QTMAN: variants seen among roughly 807,000 people sequenced by gnomAD.
QTMAN encodes the protein queuosine-tRNA mannosyltransferase, also known as tRNA-queuosine alpha-mannosyltransferase.
the QTMAN span, among the ~76,000 whole-genome samples, chr2:144,019,835 T>C: frequency 6.6e-6 from 1 of 152,170 alleles, no homozygotes; most frequent in Admixed American, 6.5e-5. Context: ...AGATTCACCT[T>C]CTAGGAAATT....
chr2:144,109,411 C>A, the QTMAN span, among the ~76,000 whole-genome samples: 92 of 152,292 alleles, frequency 6.0e-4, no homozygotes, highest in African/African-American at 2.1e-3. Context: ...GGATTAAAGA[C>A]TTAAATGTTA....
At chr2:144,289,029 C>CTTTTT in the QTMAN span, among the ~76,000 whole-genome samples, 11 of 115,962 alleles carry the variant, frequency 9.5e-5, no homozygotes, top group Non-Finnish European at 1.3e-4. Flanking sequence ...CAAGAAAATT[C>CTTTTT]TTTTTTTTTT....
At chr2:144,033,626 T>A in the QTMAN span, among the ~76,000 whole-genome samples, 1 of 152,248 alleles carries the variant, frequency 6.6e-6, no homozygotes, top group Non-Finnish European at 1.5e-5. Flanking sequence ...GAACTCAATC[T>A]CTATCCAGTC....
the QTMAN span, among the ~76,000 whole-genome samples, chr2:144,303,287 C>T: frequency 1.3e-5 from 2 of 152,100 alleles, no homozygotes; most frequent in South Asian, 4.1e-4. Context: ...AGTATAAAAA[C>T]GTAGAATATG....
chr2:144,325,266 G>A, the QTMAN span, among the ~76,000 whole-genome samples: 1 of 152,112 alleles, frequency 6.6e-6, no homozygotes, highest in Non-Finnish European at 1.5e-5. Context: ...TATTCTTAAG[G>A]AGTCACACAC....
the QTMAN span, among the ~76,000 whole-genome samples, chr2:144,061,701 G>A: frequency 3.9e-5 from 6 of 152,154 alleles, no homozygotes; most frequent in East Asian, 7.8e-4. Context: ...GCCTGGACCC[G>A]TGGCCCTAAA....
At chr2:144,252,261 G>C in the QTMAN span, among the ~76,000 whole-genome samples, 1 of 152,212 alleles carries the variant, frequency 6.6e-6, no homozygotes, top group South Asian at 2.1e-4. Context: ...TGTAGTCCCA[G>C]TTATTGGGGA....
the QTMAN span, among the ~76,000 whole-genome samples, chr2:144,304,495 A>T: frequency 1.3e-5 from 2 of 152,248 alleles, no homozygotes; most frequent in Non-Finnish European, 2.9e-5. Flanking sequence ...CATAACTAAG[A>T]CAAAAATCAG....
At chr2:144,019,180 C>T in the QTMAN span, among the ~76,000 whole-genome samples, 1 of 152,110 alleles carries the variant, frequency 6.6e-6, no homozygotes, top group Non-Finnish European at 1.5e-5. Flanking sequence ...ATAAACATTC[C>T]AGATACGGCT....
At chr2:144,228,120 T>C in the QTMAN span, among the ~76,000 whole-genome samples, 4 of 152,292 alleles carry the variant, frequency 2.6e-5, no homozygotes, top group Middle Eastern at 3.4e-3. Flanking sequence ...CCTGGATCCC[T>C]GATAGTATCA....
the QTMAN span, among the ~76,000 whole-genome samples, chr2:143,968,370 C>T: frequency 1.4e-3 from 217 of 151,840 alleles, no homozygotes; most frequent in African/African-American, 5.1e-3. Context: ...CTGTGGAATC[C>T]CCCCTCCACA....
the QTMAN span, among the ~76,000 whole-genome samples, chr2:144,135,460 C>A: frequency 6.6e-6 from 1 of 152,184 alleles, no homozygotes; most frequent in East Asian, 1.9e-4. Context: ...GAGCCCACAG[C>A]TGTTTCTTTG....
chr2:144,090,826 TC>T, the QTMAN span, among the ~76,000 whole-genome samples: 1 of 151,972 alleles, frequency 6.6e-6, no homozygotes, highest in Admixed American at 6.6e-5. Context: ...GGCTTTTTTT[TC>T]CCCTAGGAAA....
the QTMAN span, among the ~76,000 whole-genome samples, chr2:144,000,350 C>T: frequency 2.0e-5 from 3 of 151,790 alleles, no homozygotes; most frequent in Non-Finnish European, 4.4e-5. Flanking sequence ...TCTTTAAAGA[C>T]AAAATTCTTT....
chr2:144,140,224 T>A, the QTMAN span, among the ~76,000 whole-genome samples: 1 of 152,050 alleles, frequency 6.6e-6, no homozygotes, highest in East Asian at 1.9e-4. Context: ...TTAGCTAGAT[T>A]CCTTTATGGT....
At chr2:144,320,737 G>A in the QTMAN span, among the ~76,000 whole-genome samples, 10 of 152,132 alleles carry the variant, frequency 6.6e-5, no homozygotes, top group Non-Finnish European at 8.8e-5. Context: ...GCTGAGTCAC[G>A]GCATTCTTTG....
chr2:144,082,053 A>G, the QTMAN span, among the ~76,000 whole-genome samples: 1 of 151,914 alleles, frequency 6.6e-6, no homozygotes, highest in Non-Finnish European at 1.5e-5. Context: ...ACACCTCGCT[A>G]ATTTTTTAGA....
At chr2:143,971,288 C>G in the QTMAN span, among the ~76,000 whole-genome samples, 1 of 151,920 alleles carries the variant, frequency 6.6e-6, no homozygotes, top group Admixed American at 6.6e-5. Context: ...GATTAGAGAC[C>G]CTCTCACTAA....
At chr2:144,223,635 T>C in the QTMAN span, among the ~76,000 whole-genome samples, 1 of 152,208 alleles carries the variant, frequency 6.6e-6, no homozygotes, top group Non-Finnish European at 1.5e-5. Flanking sequence ...AACCAACTTT[T>C]TTACTGCCCA....
Sources: allele counts gnomAD v4.1 joint callset (sites outside exome capture counted in the v4.1 genomes callset), GRCh38; gene constraint gnomAD v4.1.1; transcripts MANE v1.5; gene names NCBI Gene and HGNC (gene_info 2026-07-23, HGNC 2026-07-21).